AMTN: variants seen among roughly 807,000 people sequenced by gnomAD.
AMTN encodes amelotin, also known as RSTI689.
Under a neutral mutation model 27.4 loss-of-function variants are expected in AMTN, and 29 were observed. The ratio of observed to expected loss-of-function variants is 1.06; its 90% CI spans 0.79 to 1.44. The LOEUF (loss-of-function observed/expected upper bound fraction) is 1.44. Among genes scored for constraint, AMTN ranks in the 40% most tolerant of loss-of-function variants. AMTN has a pLI of 0.00. For missense variants in AMTN, 247 were observed against 248.8 expected, an observed-to-expected ratio of 0.99 and a Z score of 0.05; for synonymous variants, 86 against 95.7, an observed-to-expected ratio of 0.90 and a Z score of 0.59.
chr4:70,519,195 A>G (rs1372972224), intron 2 of AMTN, among the ~76,000 whole-genome samples: 1 of 152,190 alleles, frequency 6.6e-6, no homozygotes, highest in South Asian at 2.1e-4. Context: ...GAGGTGAACT[A>G]TATTTTCTAA....
In AMTN at chr4:70,531,284, C is replaced by T; in HGVS notation, c.603C>T (p.Thr201=). ...QRSTHAIEEA[T]TESANGIQ ...GCACACATGCCATCGAGGAAGCCAC[C>T]ACAGAATCAGCAAATGGTAAATTCT... The change falls in exon 8 of 9, where the codon ACC becomes ACT. Residue 201 remains threonine, a synonymous_variant. Transcript: ENST00000339336. 1 of 1,613,774 alleles carries T rather than the reference C, an allele frequency of 6.2e-7. No homozygotes were observed. The highest frequency in any genetic ancestry group is 1.1e-5 in the South Asian group (1 of 91,072).
intron 3 of AMTN, 44 bp downstream of exon 3, chr4:70,522,882 A>C: frequency 1.3e-6 from 2 of 1,573,060 alleles, no homozygotes; most frequent in Non-Finnish European, 1.7e-6. Context: ...CGGTAAAGAA[A>C]ATACGGAACA....
intron 4 of AMTN, among the ~76,000 whole-genome samples, 153 bp from the exon 5 acceptor site, chr4:70,524,719 C>T (rs1560573188): frequency 6.6e-6 from 1 of 152,182 alleles, no homozygotes; most frequent in Non-Finnish European, 1.5e-5. Flanking sequence ...TAAATTTCAT[C>T]TTTGTGTCTA....
rs1735872238 is a variant in AMTN, at chr4:70,518,647, AC to A, written c.-20del. 1 of 730,998 alleles carries A rather than the reference AC, an allele frequency of 1.4e-6. No homozygotes were observed. Among genetic ancestry groups the A allele is most frequent in the Non-Finnish European group, 2.3e-6 (1 of 431,966 alleles). 45.3% of individuals were successfully genotyped at this position (730,998 alleles called of 1,614,324 possible). A position where few individuals can be genotyped will look rare whatever the true frequency, so the allele number is the denominator to read the frequency against. On this transcript the variant is annotated 5_prime_UTR_variant, in exon 1 of 9. Coordinates refer to ENST00000339336, the MANE Select transcript of AMTN (RefSeq NM_212557.4). ...GAGTATTGTACATTTTGCCTCGTGG[AC>A]CCAAAGGTAACATTAATTGACCATG...
intron 2 of AMTN, among the ~76,000 whole-genome samples, chr4:70,519,386 C>T (rs1259166339): frequency 6.6e-6 from 1 of 152,150 alleles, no homozygotes. Context: ...CCAACATTTA[C>T]TCCATTATTT....
At chr4:70,531,419 T>C in intron 8 of AMTN, 119 bp downstream of exon 8, 1 of 1,326,114 alleles carries the variant, frequency 7.5e-7, no homozygotes, top group Non-Finnish European at 1.0e-6. Context: ...AGGAAGCCCC[T>C]TTACTCACTC....
rs191438745 is a variant in AMTN at position 70,518,619 on chromosome 4, C to T, written c.-51C>T. On this transcript the variant is annotated 5_prime_UTR_variant, in exon 1 of 9. Transcript: ENST00000339336. The stretch of plus-strand genomic sequence containing the variant: ...AGTAAACTTGAGAAACCAACTGGAC[C>T]TTGAGTATTGTACATTTTGCCTCGT... The T allele has an allele frequency of 5.3e-5, 32 of 604,316 alleles. No individual in the cohort carries two copies. The highest frequency in any genetic ancestry group is 4.2e-4 in the Admixed American group (14 of 33,620). The allele number at this position is 604,316 out of a possible 1,614,324, so 37.4% of individuals were successfully genotyped here. A position where few individuals can be genotyped will look rare whatever the true frequency, so the allele number is the denominator to read the frequency against.
At chr4:70,531,559 C>T (rs1017410278) in intron 8 of AMTN, among the ~76,000 whole-genome samples, 3 of 152,174 alleles carry the variant, frequency 2.0e-5, no homozygotes, top group African/African-American at 7.2e-5. Context: ...GTTGCCCGGG[C>T]TGGAGTGCAG....
In AMTN at chr4:70,531,311, C is replaced by G. The variant is rs1353061655; in HGVS notation, c.619+11C>G. ...CAGAATCAGCAAATGGTAAATTCTC[C>G]TAGCTTGGAACATGCTTCTTGGCTA... On this transcript the variant is annotated intron_variant, in intron 8 of 8. Coordinates refer to ENST00000339336, the MANE Select transcript of AMTN (RefSeq NM_212557.4). 4 of 1,613,172 alleles carry G rather than the reference C, an allele frequency of 2.5e-6. No individual in the cohort carries two copies. The highest frequency in any genetic ancestry group is 3.4e-6 in the Non-Finnish European group (4 of 1,179,260).
chr4:70,532,371 A>C (rs1476850761), intron 8 of AMTN, 84 bp from the exon 9 acceptor site: 1 of 1,165,360 alleles, frequency 8.6e-7, no homozygotes, highest in South Asian at 1.4e-5. Context: ...TAATCCTGCA[A>C]AAGAAACTTG....
At chr4:70,526,775 T>G (rs1736106902) in intron 5 of AMTN, among the ~76,000 whole-genome samples, 1 of 152,154 alleles carries the variant, frequency 6.6e-6, no homozygotes, top group Non-Finnish European at 1.5e-5. Context: ...AAAGTTTCAG[T>G]ACAGAGAGTT....
At chr4:70,531,414 G>A (rs1277932740) in intron 8 of AMTN, 114 bp downstream of exon 8, 3 of 1,371,480 alleles carry the variant, frequency 2.2e-6, no homozygotes, top group East Asian at 2.4e-5. Flanking sequence ...AGATTAGGAA[G>A]CCCCTTTACT....
Position 70,532,630 on chromosome 4 carries a change from T to C in AMTN, c.*165T>C. 6.6e-6 allele frequency: 4 copies of C among 608,880 alleles called. No homozygotes were observed. The highest frequency in any genetic ancestry group is 8.2e-6 in the Non-Finnish European group (3 of 367,110). 37.7% of individuals were successfully genotyped at this position (608,880 alleles called of 1,614,324 possible). On this transcript the variant is annotated 3_prime_UTR_variant, in exon 9 of 9. Transcript: ENST00000339336. ...TCTTGAAATTTCAGAAAATATGTTC[T>C]ATGTAGAGAATCCCAACTTTTAAAA... is the stretch of plus-strand genomic sequence containing the variant.
intron 2 of AMTN, among the ~76,000 whole-genome samples, chr4:70,522,121 G>C (rs4320199): frequency 0.23 from 35,074 of 152,076 alleles, 5,225 homozygotes; most frequent in African/African-American, 0.42. Flanking sequence ...AGAGCACTTA[G>C]AGGGATCTAG....
rs185219449 is a variant in AMTN at position 70,527,757 on chromosome 4, G to T, written c.295-966G>T. ...ATAAGAATAAATTTTTAAAACCTTA[G>T]CTTTCTTTGACAAACTTCTGGCCGG... is the stretch of plus-strand genomic sequence containing the variant. On this transcript the variant is annotated intron_variant, in intron 5 of 8. Coordinates refer to ENST00000339336, the MANE Select transcript of AMTN (RefSeq NM_212557.4). Among the ~76,000 whole-genome samples, 114 of 152,244 alleles carry T rather than the reference G, an allele frequency of 7.5e-4. 1 individual carries two copies. The highest frequency in any genetic ancestry group is 2.6e-3 in the African/African-American group (107 of 41,554).
At position 70,524,878 on chromosome 4, in the gene AMTN, C is replaced by A; in HGVS notation, c.211C>A (p.Pro71Thr). 6.2e-7 allele frequency: 1 copy of A among 1,613,920 alleles called. No individual in the cohort carries two copies. The change falls in exon 5 of 9, where the codon CCT (proline) becomes ACT (threonine). Residue 71 changes from proline (P) to threonine (T), a missense_variant. Transcript: ENST00000339336. The part of the protein sequence containing the change: ...TLGPDLHLLN[P>T]AAGMTPGTQT... ...CTTCTTCCTTGCCCTACAGTTAAAT[C>A]CTGCTGCAGGAATGACACCTGGTAC...
At chr4:70,529,618 C>A (rs1337853997) in intron 7 of AMTN, among the ~76,000 whole-genome samples, 1 of 152,034 alleles carries the variant, frequency 6.6e-6, no homozygotes, top group African/African-American at 2.4e-5. Context: ...AAAAATATAT[C>A]TTTTTCCAGC....
At chr4:70,518,957 G>T in intron 2 of AMTN, 126 bp downstream of exon 2, 5 of 775,290 alleles carry the variant, frequency 6.4e-6, no homozygotes, top group Non-Finnish European at 6.7e-6. Context: ...AGAGTGTCCA[G>T]TGTTTATTTT....
chr4:70,531,262 C>A lies in AMTN; in HGVS notation c.581C>A (p.Thr194Lys), dbSNP rs766499849. The A allele has an allele frequency of 6.2e-7, 1 of 1,614,006 alleles. No individual in the cohort carries two copies. The highest frequency in any genetic ancestry group is 8.5e-7 in the Non-Finnish European group (1 of 1,179,920). The change falls in exon 8 of 9, where the codon ACA becomes AAA. Residue 194 changes from threonine to lysine, a missense_variant. Coordinates refer to ENST00000339336, the MANE Select transcript of AMTN (RefSeq NM_212557.4). Reference protein sequence around the residue: ...VTTPAGIQRSTHAIEEATTES... With the variant: ...VTTPAGIQRSKHAIEEATTES... ...ACCCCTGCAGGCATCCAAAGGAGCA[C>A]ACATGCCATCGAGGAAGCCACCACA...
Sources: gnomAD v4.1 joint callset for allele counts (sites outside exome capture counted in the v4.1 genomes callset) on GRCh38, gnomAD v4.1.1 for gene constraint, MANE v1.5 for transcripts, NCBI Gene and HGNC (gene_info 2026-07-23, HGNC 2026-07-21) for gene names.